The following FADS6 variants were observed in gnomAD, a reference collection of about 807,000 sequenced individuals.
The protein encoded by FADS6 is fatty acid desaturase 6.
Under a neutral mutation model 31.7 loss-of-function variants are expected in FADS6, and 28 were observed. The observed-to-expected ratio is 0.88, with a 90% confidence interval of 0.66 to 1.21. FADS6 has a LOEUF of 1.21. Ranked by LOEUF, FADS6 falls within the 50% of genes most tolerant of loss-of-function variation. The pLI is 0.00. For synonymous variants in FADS6, 191 were observed against 213.1 expected, an observed-to-expected ratio of 0.90 and a Z score of 0.90; for missense variants, 494 against 504.2, an observed-to-expected ratio of 0.98 and a Z score of 0.19.
chr17:74,891,541 AAAGG>A (rs1218281988), intron 2 of FADS6, among the ~76,000 whole-genome samples: 1 of 151,928 alleles, frequency 6.6e-6, no homozygotes, highest in Non-Finnish European at 1.5e-5. Flanking sequence ...GCTCCGTGGG[AAAGG>A]AATTGTCTTG....
chr17:74,890,683 G>A (rs181396181), intron 2 of FADS6, among the ~76,000 whole-genome samples: 61 of 152,256 alleles, frequency 4.0e-4, no homozygotes, highest in Admixed American at 3.6e-3. Context: ...CAAAGATGAA[G>A]CCACTGGGCT....
intron 2 of FADS6, among the ~76,000 whole-genome samples, chr17:74,889,827 C>A (rs1218480711): frequency 8.1e-6 from 1 of 123,236 alleles, no homozygotes; most frequent in Non-Finnish European, 1.6e-5. Context: ...GCCGAGACTG[C>A]ATCATTGCAC....
chr17:74,876,623 T>G (rs1352612244), downstream of FADS6, among the ~76,000 whole-genome samples: 1 of 151,946 alleles, frequency 6.6e-6, no homozygotes, highest in Non-Finnish European at 1.5e-5. Flanking sequence ...ATGGTGAAAC[T>G]CCGTCTCTAC....
At chr17:74,884,917 C>A (rs371182981) in intron 2 of FADS6, among the ~76,000 whole-genome samples, 1 of 152,092 alleles carries the variant, frequency 6.6e-6, no homozygotes, top group South Asian at 2.1e-4. Context: ...CCACGTTGGC[C>A]AGACTGGTCT....
chr17:74,878,059 T>A lies in FADS6; in HGVS notation c.*272A>T. On this transcript the variant is annotated 3_prime_UTR_variant, in exon 6 of 6. Transcript: ENST00000612771. Reference sequence around the variant, plus strand: ...GAGCAGGGGGAAGGACCCAGCTCTTTAGTCCTGAGATGAAGTTGCTGAGGT... The same window carrying A: ...GAGCAGGGGGAAGGACCCAGCTCTTAAGTCCTGAGATGAAGTTGCTGAGGT... 1 of 1,253,764 alleles carries A rather than the reference T, an allele frequency of 8.0e-7. No homozygotes were observed. Among genetic ancestry groups the A allele is most frequent in the South Asian group, 2.2e-5 (1 of 46,504 alleles). 77.7% of individuals were successfully genotyped at this position (1,253,764 alleles called of 1,614,324 possible). A position where few individuals can be genotyped will look rare whatever the true frequency, so the allele number is the denominator to read the frequency against.
chr17:74,878,359 G>A lies in FADS6; in HGVS notation c.1079C>T (p.Pro360Leu). The A allele has an allele frequency of 6.2e-7, 1 of 1,613,854 alleles. No individual in the cohort carries two copies. The highest frequency in any genetic ancestry group is 8.5e-7 in the Non-Finnish European group (1 of 1,179,824). ...RRYEEFMVQAPPITELVGL is the reference protein window; with the variant it reads ...RRYEEFMVQALPITELVGL ...CAGCCCCACAAGCTCAGTGATGGGT[G>A]GGGCCTGCACCATGAATTCCTCATA... Residue 360 changes from proline (P) to leucine (L), a missense_variant, in exon 6 of 6, where the codon CCA becomes CTA. Physicochemically the swap from Pro to Leu is moderately conservative, Grantham distance 98. Coordinates refer to ENST00000612771, the MANE Select transcript of FADS6 (RefSeq NM_178128.6).
intron 1 of FADS6, 91 bp downstream of exon 1, chr17:74,893,261 G>T (rs2038711980): frequency 4.4e-6 from 6 of 1,358,904 alleles, no homozygotes; most frequent in Non-Finnish European, 5.8e-6. Flanking sequence ...GCACTCCCAC[G>T]GCTGCTGTTG....
chr17:74,882,429 G>A, intron 3 of FADS6, 101 bp downstream of exon 3: 1 of 1,327,908 alleles, frequency 7.5e-7, no homozygotes, highest in South Asian at 1.4e-5. Context: ...TATCTATCGG[G>A]CCTTCCTCTA....
rs374369095 is a variant in FADS6 at position 74,879,479 on chromosome 17, C to T, written c.885G>A (p.Ala295=). ...NLARLPVLDW[A]FGHSIISCHV... is the part of the protein sequence containing the mutation. Reference sequence around the variant, plus strand: ...GGCAGCTGATGATCGAGTGGCCGAACGCCCAGTCCAGCACGGGCAGCCGGG... The same window carrying T: ...GGCAGCTGATGATCGAGTGGCCGAATGCCCAGTCCAGCACGGGCAGCCGGG... The change falls in exon 5 of 6, where the codon GCG becomes GCA. Residue 295 remains alanine (A), a synonymous_variant. Transcript: ENST00000612771. The T allele has an allele frequency of 6.2e-6, 10 of 1,613,842 alleles. No homozygotes were observed. The highest frequency in any genetic ancestry group is 5.0e-5 in the Admixed American group (3 of 60,004).
At chr17:74,885,896 G>A (rs1303939187) in intron 2 of FADS6, among the ~76,000 whole-genome samples, 1 of 152,174 alleles carries the variant, frequency 6.6e-6, no homozygotes, top group Non-Finnish European at 1.5e-5. Flanking sequence ...GCTTATGCCT[G>A]TAATCCCAGC....
intron 1 of FADS6, 150 bp from the exon 2 acceptor site, chr17:74,892,839 C>T: frequency 1.3e-6 from 1 of 765,512 alleles, no homozygotes; most frequent in Non-Finnish European, 2.1e-6. Flanking sequence ...CCCACTGTGG[C>T]CTGAGGGGAA....
intron 2 of FADS6, among the ~76,000 whole-genome samples, chr17:74,890,669 G>A (rs1320250430): frequency 6.6e-6 from 1 of 152,132 alleles, no homozygotes; most frequent in Non-Finnish European, 1.5e-5. Flanking sequence ...AAGAGTCAAA[G>A]AGGCAAAGAT....
At chr17:74,881,643 G>A (rs991888498) in intron 3 of FADS6, among the ~76,000 whole-genome samples, 1 of 150,648 alleles carries the variant, frequency 6.6e-6, no homozygotes, top group African/African-American at 2.4e-5. Flanking sequence ...TCAGCCCCCT[G>A]AGTAGTTGGG....
At chr17:74,890,441 G>C (rs1188366848) in intron 2 of FADS6, among the ~76,000 whole-genome samples, 2 of 152,190 alleles carry the variant, frequency 1.3e-5, no homozygotes, top group African/African-American at 4.8e-5. Flanking sequence ...ACGTAGGTCA[G>C]TCGGAGGCTT....
At chr17:74,884,567 G>T (rs1190929525) in intron 2 of FADS6, among the ~76,000 whole-genome samples, 2 of 152,168 alleles carry the variant, frequency 1.3e-5, no homozygotes, top group Non-Finnish European at 2.9e-5. Context: ...GGAGGCCTCA[G>T]GACGCTTGCA....
At chr17:74,882,889 C>T in intron 2 of FADS6, 179 bp from the exon 3 acceptor site, 2 of 1,463,250 alleles carry the variant, frequency 1.4e-6, no homozygotes, top group South Asian at 1.4e-5. Context: ...TCTATGACCA[C>T]GGAGTGGCAG....
At chr17:74,881,458 G>A (rs1349888020) in intron 3 of FADS6, among the ~76,000 whole-genome samples, 1 of 152,194 alleles carries the variant, frequency 6.6e-6, no homozygotes, top group African/African-American at 2.4e-5. Flanking sequence ...AGCACTTTGG[G>A]AGGCCACGGC....
In FADS6 at chr17:74,892,707, A is replaced by G. The variant is rs1201274650; in HGVS notation, c.245-18T>C. On this transcript the variant is annotated intron_variant, in intron 1 of 5. Transcript: ENST00000612771. ...CAGGAAGCCTGCGTGGAGAGGAGGA[A>G]GAAGACGGGTCTTTCTCTAGCTCTG... is the stretch of plus-strand genomic sequence containing the variant. 1.4e-5 allele frequency: 23 copies of G among 1,602,554 alleles called. No homozygotes were observed. The highest frequency in any genetic ancestry group is 1.9e-5 in the Non-Finnish European group (22 of 1,174,840).
intron 2 of FADS6, among the ~76,000 whole-genome samples, chr17:74,888,152 A>AGTG (rs1567928565): frequency 2.4e-5 from 3 of 124,298 alleles, no homozygotes; most frequent in Non-Finnish European, 3.2e-5. Flanking sequence ...ACACACACAC[A>AGTG]CACGCGCGCG....
Sources: gnomAD v4.1 joint callset for allele counts (sites outside exome capture counted in the v4.1 genomes callset) on GRCh38, gnomAD v4.1.1 for gene constraint, MANE v1.5 for transcripts, NCBI Gene and HGNC (gene_info 2026-07-23, HGNC 2026-07-21) for gene names.